The following KCND3 variants were observed in gnomAD, a reference collection of about 807,000 sequenced individuals.
KCND3 encodes the protein potassium voltage-gated channel subfamily D member 3.
KCND3 carries 9 observed loss-of-function variants against 51.1 expected under a neutral mutation model. The observed-to-expected ratio is 0.18, with a 90% CI of 0.11 to 0.31. The LOEUF is 0.31. Among genes scored for constraint, KCND3 ranks in the 10% least tolerant of loss-of-function variants. KCND3 has a pLI of 1.00. For synonymous variants in KCND3, 349 were observed against 368.0 expected, an observed-to-expected ratio of 0.95 and a Z score of 0.59; for missense variants, 526 against 903.8, an observed-to-expected ratio of 0.58 and a Z score of 5.36.
chr1:111,962,962 C>A (rs4839194), intron 2 of KCND3, among the ~76,000 whole-genome samples: 58,874 of 152,054 alleles, frequency 0.39, 11,463 homozygotes, highest in East Asian at 0.43. Flanking sequence ...CTGTGACCAC[C>A]ACCATTTGAA....
intron 2 of KCND3, among the ~76,000 whole-genome samples, chr1:111,959,311 T>A (rs1406407551): frequency 6.6e-6 from 1 of 152,182 alleles, no homozygotes; most frequent in Admixed American, 6.5e-5. Flanking sequence ...ATTTTCAGGA[T>A]GGAGAGACAA....
chr1:111,874,269 C>A lies in KCND3; in HGVS notation c.1107-87163G>T, dbSNP rs147202511. Among the ~76,000 whole-genome samples, 42 of 152,364 alleles carry A rather than the reference C, an allele frequency of 2.8e-4. No individual in the cohort carries two copies. The East Asian group carries it at 6.7e-3, about 24-fold the overall frequency. ...TAAACGAATCACCCCACTGCTCCCC[C>A]TCTTGCATGGACCGCTGAGGAGTTG... On this transcript the variant is annotated intron_variant, in intron 2 of 7. Coordinates refer to ENST00000302127, the MANE Select transcript of KCND3 (RefSeq NM_001378969.1).
chr1:111,778,410 T>G, intron 6 of KCND3, 26 bp downstream of exon 6: 5 of 1,600,318 alleles, frequency 3.1e-6, no homozygotes, highest in Non-Finnish European at 4.3e-6. Context: ...GAGAAAAACA[T>G]CAATTGAATT....
At chr1:111,894,289 C>A (rs1187164452) in intron 2 of KCND3, among the ~76,000 whole-genome samples, 1 of 152,156 alleles carries the variant, frequency 6.6e-6, no homozygotes, top group Non-Finnish European at 1.5e-5. Flanking sequence ...GTTCTATGTT[C>A]CTCTCCCCCT....
intron 2 of KCND3, among the ~76,000 whole-genome samples, chr1:111,811,079 A>C (rs1665825880): frequency 6.6e-6 from 1 of 152,200 alleles, no homozygotes; most frequent in Non-Finnish European, 1.5e-5. Context: ...ATTAGATCTT[A>C]TCTGTATAAA....
At chr1:111,860,573 C>T (rs1445751744) in intron 2 of KCND3, among the ~76,000 whole-genome samples, 1 of 152,138 alleles carries the variant, frequency 6.6e-6, no homozygotes, top group Non-Finnish European at 1.5e-5. Flanking sequence ...ATCCATGCTG[C>T]TAATGCATGA....
intron 2 of KCND3, among the ~76,000 whole-genome samples, chr1:111,885,072 A>G (rs1440741492): frequency 2.0e-5 from 3 of 152,170 alleles, no homozygotes; most frequent in Non-Finnish European, 4.4e-5. Flanking sequence ...CTAGTTGAGA[A>G]CCATTGTTCT....
intron 2 of KCND3, among the ~76,000 whole-genome samples, chr1:111,839,343 A>G (rs1002329220): frequency 1.3e-5 from 2 of 152,148 alleles, no homozygotes; most frequent in African/African-American, 4.8e-5. Flanking sequence ...AGGTGCTTTT[A>G]TTTTCCTCAC....
intron 2 of KCND3, among the ~76,000 whole-genome samples, chr1:111,901,559 C>G (rs373670127): frequency 6.6e-6 from 1 of 152,180 alleles, no homozygotes; most frequent in Non-Finnish European, 1.5e-5. Context: ...ATGATGAATT[C>G]AATGAGCTGC....
At chr1:111,913,104 A>AT (rs762280278) in intron 2 of KCND3, among the ~76,000 whole-genome samples, 22 of 148,060 alleles carry the variant, frequency 1.5e-4, no homozygotes, top group Non-Finnish European at 2.6e-4. Flanking sequence ...CTGGTATACC[A>AT]TTTTTTATTT....
chr1:111,784,680 G>A (rs1378885013), intron 3 of KCND3, among the ~76,000 whole-genome samples: 1 of 152,136 alleles, frequency 6.6e-6, no homozygotes, highest in Admixed American at 6.5e-5. Context: ...CTCAATGCTG[G>A]AGCAGCCAGC....
intron 2 of KCND3, among the ~76,000 whole-genome samples, chr1:111,833,089 G>A (rs578177111): frequency 1.3e-4 from 20 of 152,230 alleles, no homozygotes; most frequent in Admixed American, 2.6e-4. Context: ...TTGTTTTTAC[G>A]GAGATTGAGA....
intron 2 of KCND3, among the ~76,000 whole-genome samples, chr1:111,921,782 C>T (rs1040471596): frequency 1.3e-5 from 2 of 152,042 alleles, no homozygotes; most frequent in East Asian, 1.9e-4. Context: ...GGAATCACTA[C>T]GTATTTTCAT....
intron 2 of KCND3, among the ~76,000 whole-genome samples, chr1:111,865,717 A>C (rs1400465393): frequency 6.6e-6 from 1 of 151,928 alleles, no homozygotes; most frequent in Non-Finnish European, 1.5e-5. Context: ...TTATTTATTA[A>C]TTTTTGTGAC....
intron 2 of KCND3, among the ~76,000 whole-genome samples, chr1:111,907,950 C>T (rs1002991752): frequency 6.6e-6 from 1 of 150,998 alleles, no homozygotes; most frequent in Non-Finnish European, 1.5e-5. Flanking sequence ...AGTTCATTGT[C>T]TTTCTACTTG....
chr1:111,982,182 G>A lies in KCND3; in HGVS notation c.545C>T (p.Ala182Val). The A allele has an allele frequency of 6.2e-7, 1 of 1,614,102 alleles. No individual in the cohort carries two copies. The highest frequency in any genetic ancestry group is 8.5e-7 in the Non-Finnish European group (1 of 1,180,012). The part of the protein sequence containing the change: ...AFENPHTSTL[A>V]LVFYYVTGFF... ...GCCAGTCACGTAGTAGAAGACCAGGGCCAGCGTGCTGGTGTGGGGGTTCTC... is the reference window on the plus strand; with the variant it reads ...GCCAGTCACGTAGTAGAAGACCAGGACCAGCGTGCTGGTGTGGGGGTTCTC... Residue 182 changes from alanine (A) to valine (V), a missense_variant, in exon 2 of 8, where the codon GCC becomes GTC. Ala to Val is a moderately conservative substitution (Grantham distance 64). Around this residue, in one of 5 missense-constraint regions of KCND3, gnomAD observed 159 missense variants for 262.8 expected, o/e 0.61. Coordinates refer to ENST00000302127, the MANE Select transcript of KCND3 (RefSeq NM_001378969.1). This position sits in a 1 kb window ranked among gnomAD's most constrained non-coding sequence, Gnocchi z 8.5.
intron 2 of KCND3, among the ~76,000 whole-genome samples, chr1:111,898,787 A>T (rs1670247973): frequency 6.6e-6 from 1 of 152,166 alleles, no homozygotes; most frequent in Non-Finnish European, 1.5e-5. Flanking sequence ...CACTGAGGCT[A>T]AGAGGGCAGG....
rs560637703 is a variant in KCND3, at chr1:111,905,112, C to T, written c.1106+76509G>A. ...CAGAGCCTTTCATGCTAAACCAGCC[C>T]AAATGACTGATTTAGAAACTGCGTG... On this transcript the variant is annotated intron_variant, in intron 2 of 7. Transcript: ENST00000302127. Among the ~76,000 whole-genome samples the T allele has an allele frequency of 4.6e-5, 7 of 152,324 alleles. No homozygotes were observed. The South Asian group carries it at 1.5e-3, about 32-fold the overall frequency.
intron 2 of KCND3, among the ~76,000 whole-genome samples, chr1:111,976,267 T>C (rs1281687189): frequency 6.6e-6 from 1 of 152,186 alleles, no homozygotes; most frequent in Admixed American, 6.5e-5. Flanking sequence ...GGAAAAAGCG[T>C]AGCCAAGTAG....
Sources: allele counts gnomAD v4.1 joint callset (sites outside exome capture counted in the v4.1 genomes callset), GRCh38; gene constraint gnomAD v4.1.1; regional missense constraint gnomAD v4.1.1; non-coding constraint Gnocchi (gnomAD v3.1); transcripts MANE v1.5; gene names NCBI Gene and HGNC (gene_info 2026-07-23, HGNC 2026-07-21).